The following AGBL1 variants were observed in gnomAD, a reference collection of about 807,000 sequenced individuals.
AGBL1 encodes cytosolic carboxypeptidase 4.
Under a neutral mutation model 118.9 loss-of-function variants are expected in AGBL1, and 130 were observed. The observed-to-expected ratio is 1.09, with a 90% CI of 0.95 to 1.26. AGBL1 has a LOEUF of 1.26. Among genes scored for constraint, AGBL1 ranks in the 50% most tolerant of loss-of-function variants. AGBL1 has a pLI of 0.00. For synonymous variants in AGBL1, 555 were observed against 478.9 expected, an observed-to-expected ratio of 1.16 and a Z score of -2.08; for missense variants, 1,584 against 1,298.1, an observed-to-expected ratio of 1.22 and a Z score of -3.38.
chr15:86,133,522 G>C (rs576517463), intron 1 of AGBL1, among the ~76,000 whole-genome samples: 1 of 152,182 alleles, frequency 6.6e-6, no homozygotes, highest in Non-Finnish European at 1.5e-5. Flanking sequence ...TAAGAACAAG[G>C]ACTGTCTGTA....
At chr15:86,370,518 C>G (rs533173466) in intron 17 of AGBL1, among the ~76,000 whole-genome samples, 3 of 152,100 alleles carry the variant, frequency 2.0e-5, no homozygotes, top group African/African-American at 7.2e-5. Flanking sequence ...TGGTCTTGAA[C>G]TCCTGACCTC....
chr15:86,866,473 ATAAG>A (rs1238906682), intron 22 of AGBL1, among the ~76,000 whole-genome samples: 2 of 152,220 alleles, frequency 1.3e-5, no homozygotes, highest in Non-Finnish European at 2.9e-5. Flanking sequence ...TACTTCTTGC[ATAAG>A]TCTTTCAGAA....
intron 6 of AGBL1, among the ~76,000 whole-genome samples, chr15:86,236,343 CTTTTTTT>C (rs10531800): frequency 1.4e-5 from 2 of 143,672 alleles, no homozygotes; most frequent in East Asian, 2.0e-4. Context: ...GAAACTACTA[CTTTTTTT>C]TTTTTTTTTT....
At chr15:86,723,184 G>T (rs978500707) in intron 22 of AGBL1, among the ~76,000 whole-genome samples, 2 of 152,286 alleles carry the variant, frequency 1.3e-5, no homozygotes, top group Admixed American at 1.3e-4. Flanking sequence ...AAATCATGCT[G>T]TTATAAAGAC....
intron 18 of AGBL1, among the ~76,000 whole-genome samples, chr15:86,458,344 A>G (rs889718158): frequency 6.6e-6 from 1 of 152,168 alleles, no homozygotes; most frequent in Non-Finnish European, 1.5e-5. Context: ...ATGATGATGT[A>G]TTATAATAAT....
intron 22 of AGBL1, among the ~76,000 whole-genome samples, chr15:86,786,998 T>C (rs2078421787): frequency 6.6e-6 from 1 of 152,242 alleles, no homozygotes; most frequent in South Asian, 2.1e-4. Flanking sequence ...ATGAGATTTC[T>C]TAATGCTCCA....
chr15:86,987,624 A>G (rs1030767811), intron 23 of AGBL1, among the ~76,000 whole-genome samples: 1 of 152,050 alleles, frequency 6.6e-6, no homozygotes, highest in African/African-American at 2.4e-5. Flanking sequence ...AATAGTTTCT[A>G]TCATTAATAG....
At chr15:86,217,454 G>A (rs1005145704) in intron 5 of AGBL1, among the ~76,000 whole-genome samples, 2 of 152,176 alleles carry the variant, frequency 1.3e-5, no homozygotes, top group African/African-American at 4.8e-5. Flanking sequence ...CTTGCAGAGT[G>A]GAAGAGGAGA....
rs1232434833 is a variant in AGBL1, at chr15:86,215,221, ATGCGTGTGTG to A, written c.489-9690_489-9681del. Reference sequence around the variant, plus strand: ...TGTGTGTGTGTGTGAGTGTATATGTATGCGTGTGTGTGTGTGTGTGTGTGTGTGTGTGTGT... The same window carrying A: ...TGTGTGTGTGTGTGAGTGTATATGTATGTGTGTGTGTGTGTGTGTGTGTGT... On this transcript the variant is annotated intron_variant, in intron 5 of 22. Transcript: ENST00000614907. Among the ~76,000 whole-genome samples the A allele has an allele frequency of 5.6e-3, 700 of 124,770 alleles. 5 individuals carry two copies. The highest frequency in any genetic ancestry group is 0.023 in the African/African-American group (659 of 29,038). 81.9% of individuals were successfully genotyped at this position (124,770 alleles called of 152,430 possible).
rs367639986 is a variant in AGBL1 at position 86,659,854 on chromosome 15, A to G, written c.2995-14419A>G. On this transcript the variant is annotated intron_variant, in intron 21 of 22. Coordinates refer to ENST00000614907, the MANE Select transcript of AGBL1 (RefSeq NM_001386094.1). ...TTCCCTCCTGAGCACTTGGGCATCA[A>G]AGTTATATGGGCCCATGGTAGGACT... Among the ~76,000 whole-genome samples the G allele has an allele frequency of 1.1e-3, 167 of 152,208 alleles. 3 individuals carry two copies. The South Asian group carries it at 0.032, about 29-fold the overall frequency.
intron 22 of AGBL1, among the ~76,000 whole-genome samples, chr15:86,726,780 C>T (rs1189472181): frequency 6.6e-6 from 1 of 152,114 alleles, no homozygotes; most frequent in East Asian, 1.9e-4. Flanking sequence ...GTCTCAAACT[C>T]ATGGGCTCAA....
chr15:86,226,855 C>T (rs2078372931), intron 6 of AGBL1, among the ~76,000 whole-genome samples: 2 of 152,168 alleles, frequency 1.3e-5, no homozygotes. Context: ...ATAGGCTCTC[C>T]CAACTCAGAC....
chr15:86,171,494 T>A (rs1223649661), intron 5 of AGBL1, among the ~76,000 whole-genome samples: 1 of 152,162 alleles, frequency 6.6e-6, no homozygotes, highest in African/African-American at 2.4e-5. Context: ...AGTTAAGAGT[T>A]ACGGCTAATG....
At chr15:86,551,109 A>C (rs745870727) in intron 20 of AGBL1, among the ~76,000 whole-genome samples, 1 of 152,120 alleles carries the variant, frequency 6.6e-6, no homozygotes, top group Non-Finnish European at 1.5e-5. Flanking sequence ...TTTGTAATTT[A>C]TAATATTTAG....
chr15:86,688,365 ACT>A (rs1462756003), intron 22 of AGBL1, among the ~76,000 whole-genome samples: 1 of 152,046 alleles, frequency 6.6e-6, no homozygotes, highest in Non-Finnish European at 1.5e-5. Flanking sequence ...GAGAGAGGGA[ACT>A]CTGAATGAAT....
intron 22 of AGBL1, among the ~76,000 whole-genome samples, chr15:86,748,518 T>C: frequency 1.0e-5 from 1 of 96,100 alleles, no homozygotes; most frequent in African/African-American, 4.4e-5. Flanking sequence ...GGCTTTTTTT[T>C]TTTTTTTTTT....
intron 18 of AGBL1, among the ~76,000 whole-genome samples, chr15:86,518,822 C>T (rs562693201): frequency 1.3e-5 from 2 of 151,724 alleles, no homozygotes; most frequent in East Asian, 1.9e-4. Context: ...GCAAGGTTAT[C>T]ACATCTCTGG....
intron 1 of AGBL1, among the ~76,000 whole-genome samples, chr15:86,132,247 C>T (rs1295708021): frequency 6.6e-6 from 1 of 152,138 alleles, no homozygotes; most frequent in Non-Finnish European, 1.5e-5. Context: ...AAAAGGGCAT[C>T]TCCCCAGTGT....
intron 22 of AGBL1, among the ~76,000 whole-genome samples, chr15:86,809,343 C>T (rs1245742435): frequency 6.6e-6 from 1 of 152,122 alleles, no homozygotes; most frequent in East Asian, 1.9e-4. Flanking sequence ...TTTGATGACT[C>T]CTTCTACCCT....
Sources: gnomAD v4.1 joint callset for allele counts (sites outside exome capture counted in the v4.1 genomes callset) on GRCh38, gnomAD v4.1.1 for gene constraint, MANE v1.5 for transcripts, NCBI Gene and HGNC (gene_info 2026-07-23, HGNC 2026-07-21) for gene names.